METTL15: variants seen among roughly 807,000 people sequenced by gnomAD.
The protein encoded by METTL15 is 12S rRNA N(4)-cytidine methyltransferase METTL15.
METTL15 carries 34 observed loss-of-function variants against 38.3 expected under a neutral mutation model. That is an observed-to-expected ratio of 0.89 (90% CI 0.68 to 1.18). The LOEUF is 1.18. Among genes scored for constraint, METTL15 ranks in the 50% most tolerant of loss-of-function variants. The pLI is 0.00. For synonymous variants in METTL15, 162 were observed against 170.9 expected (o/e 0.95, Z 0.41); for missense variants, 438 against 498.4 (o/e 0.88, Z 1.15).
intron 3 of METTL15, among the ~76,000 whole-genome samples, chr11:28,349,552 A>G (rs1463152575): frequency 6.6e-6 from 1 of 152,246 alleles, no homozygotes; most frequent in African/African-American, 2.4e-5. Context: ...AGCCTTCTAT[A>G]AGGAGTAGTA....
chr11:28,210,278 T>C lies in METTL15; in HGVS notation c.271-784T>C, dbSNP rs151206036. On this transcript the variant is annotated intron_variant, in intron 3 of 6. Coordinates refer to ENST00000407364, the MANE Select transcript of METTL15 (RefSeq NM_001113528.2). ...TGGCAAAATTATTACTGGCAAATGT[T>C]TCACTCTTAAAAATGTTTTGATTTA... is the stretch of plus-strand genomic sequence containing the variant. Among the ~76,000 whole-genome samples the C allele has an allele frequency of 1.4e-4, 22 of 152,110 alleles. No individual in the cohort carries two copies. In the East Asian group the frequency reaches 3.9e-3, roughly 27 times the overall value.
chr11:28,195,377 A>G (rs1388112366), intron 3 of METTL15, among the ~76,000 whole-genome samples: 8 of 151,888 alleles, frequency 5.3e-5, no homozygotes, highest in Admixed American at 2.0e-4. Context: ...ACTAGCATCT[A>G]TTGTTTTTTG....
intron 4 of METTL15, among the ~76,000 whole-genome samples, chr11:28,255,019 C>T (rs967558612): frequency 4.6e-5 from 7 of 151,998 alleles, no homozygotes; most frequent in East Asian, 1.9e-4. Context: ...TTTGATATTT[C>T]GGCAAGGATT....
intron 5 of METTL15, among the ~76,000 whole-genome samples, chr11:28,394,085 G>A (rs796139436): frequency 2.6e-5 from 4 of 152,062 alleles, no homozygotes; most frequent in South Asian, 2.1e-4. Flanking sequence ...TGTAAGTAGG[G>A]TTGGTGCCTT....
chr11:28,113,213 CT>C (rs986333869), intron 2 of METTL15, 104 bp from the exon 3 acceptor site: 200 of 755,798 alleles, frequency 2.6e-4, no homozygotes, highest in Admixed American at 5.1e-4. Context: ...TGAGTCTTAA[CT>C]TTTTTTTGAT....
At chr11:28,308,914 A>G (rs1857175266) in intron 6 of METTL15, among the ~76,000 whole-genome samples, 1 of 151,886 alleles carries the variant, frequency 6.6e-6, no homozygotes, top group African/African-American at 2.4e-5. Context: ...ATAGATAGAT[A>G]GATAGATAGA....
chr11:28,307,513 A>G (rs888290730), intron 6 of METTL15, among the ~76,000 whole-genome samples: 2 of 152,108 alleles, frequency 1.3e-5, no homozygotes, highest in East Asian at 1.9e-4. Context: ...GGCACTTGCT[A>G]TTAGGTAGAC....
At chr11:28,357,769 C>T (rs925210043) in intron 4 of METTL15, among the ~76,000 whole-genome samples, 1 of 152,112 alleles carries the variant, frequency 6.6e-6, no homozygotes, top group Admixed American at 6.5e-5. Flanking sequence ...ATTTTCTGAT[C>T]TAGTGCACAG....
Position 28,330,423 on chromosome 11 carries a change from C to T in METTL15, c.806C>T (p.Thr269Ile). 1 of 1,547,724 alleles carries T rather than the reference C, an allele frequency of 6.5e-7. No individual in the cohort carries two copies. Among genetic ancestry groups the T allele is most frequent in the African/African-American group, 1.4e-5 (1 of 72,906 alleles). ...AGAFPPSAIY[T>I]RKDLLQRSTH... The stretch of plus-strand genomic sequence containing the variant: ...GCATTTCCTCCCTCTGCTATTTATA[C>T]ACGGAAAGACTTACTACAGCGATCT... Residue 269 changes from threonine (T) to isoleucine (I), a missense_variant, in exon 7 of 7, where the codon ACA becomes ATA. Physicochemically the swap from Thr to Ile is moderately conservative, Grantham distance 89. Transcript: ENST00000407364.
intron 6 of METTL15, among the ~76,000 whole-genome samples, chr11:28,428,529 G>T (rs1195974512): frequency 2.0e-5 from 3 of 152,148 alleles, no homozygotes; most frequent in African/African-American, 7.2e-5. Context: ...TACATGCAGA[G>T]CTCTAGATGT....
At chr11:28,359,292 C>T (rs923373365) in intron 4 of METTL15, among the ~76,000 whole-genome samples, 7 of 152,176 alleles carry the variant, frequency 4.6e-5, no homozygotes, top group African/African-American at 1.7e-4. Context: ...CATAGTATTT[C>T]ATGATGTGTA....
At chr11:28,162,726 T>C (rs1196961008) in intron 3 of METTL15, among the ~76,000 whole-genome samples, 1 of 152,140 alleles carries the variant, frequency 6.6e-6, no homozygotes, top group Admixed American at 6.6e-5. Flanking sequence ...ACAAAGCCTA[T>C]TTTGTAGTAG....
chr11:28,194,178 C>CTTTCTTTCTTTCTT (rs1373046857), intron 3 of METTL15, among the ~76,000 whole-genome samples: 12 of 12,228 alleles, frequency 9.8e-4, no homozygotes, highest in Admixed American at 1.5e-3. Flanking sequence ...CTTTCTTTTT[C>CTTTCTTTCTTTCTT]TCTCTCTCTC....
chr11:28,496,427 CACAG>C (rs1207501264), intron 6 of METTL15, among the ~76,000 whole-genome samples: 1 of 152,208 alleles, frequency 6.6e-6, no homozygotes, highest in Admixed American at 6.5e-5. Context: ...TGGGTGTGGA[CACAG>C]ACAAACCATA....
intron 4 of METTL15, among the ~76,000 whole-genome samples, chr11:28,231,095 A>G (rs1016854551): frequency 1.3e-5 from 2 of 151,890 alleles, no homozygotes; most frequent in East Asian, 3.8e-4. Flanking sequence ...TACTCATTTA[A>G]TTCAATTCCA....
intron 3 of METTL15, among the ~76,000 whole-genome samples, chr11:28,152,715 A>G (rs1850134571): frequency 6.6e-6 from 1 of 152,068 alleles, no homozygotes; most frequent in African/African-American, 2.4e-5. Context: ...TGTTACAGGA[A>G]AGGGGTCCGT....
chr11:28,224,205 T>C (rs1853375811), intron 4 of METTL15, among the ~76,000 whole-genome samples: 1 of 152,052 alleles, frequency 6.6e-6, no homozygotes, highest in African/African-American at 2.4e-5. Flanking sequence ...TTATGTATAC[T>C]CTTTCCTGTT....
intron 4 of METTL15, among the ~76,000 whole-genome samples, chr11:28,356,681 C>G (rs1459098192): frequency 6.6e-6 from 1 of 152,186 alleles, no homozygotes; most frequent in Non-Finnish European, 1.5e-5. Flanking sequence ...AAAACATTTT[C>G]AGACCAGATG....
chr11:28,235,946 T>C (rs1486046027), intron 4 of METTL15, among the ~76,000 whole-genome samples: 2 of 151,556 alleles, frequency 1.3e-5, no homozygotes, highest in African/African-American at 4.8e-5. Context: ...TGTGGGTTTG[T>C]CATAGATAGC....
Sources: gnomAD v4.1 joint callset for allele counts (sites outside exome capture counted in the v4.1 genomes callset) on GRCh38, gnomAD v4.1.1 for gene constraint, MANE v1.5 for transcripts, NCBI Gene and HGNC (gene_info 2026-07-23, HGNC 2026-07-21) for gene names.